The following ITFG1 variants were observed in gnomAD, a reference collection of about 807,000 sequenced individuals.
ITFG1 encodes the protein integrin alpha FG-GAP repeat containing 1.
ITFG1 carries 34 observed loss-of-function variants against 81.8 expected under a neutral mutation model. The ratio of observed to expected loss-of-function variants is 0.42; its 90% CI spans 0.32 to 0.55. The LOEUF is 0.55. ITFG1 is among the 20% of genes least tolerant of loss of function. The pLI is 0.17. For synonymous variants in ITFG1, 285 were observed against 270.6 expected (o/e 1.05, Z -0.52); for missense variants, 672 against 755.4 (o/e 0.89, Z 1.29).
intron 14 of ITFG1, among the ~76,000 whole-genome samples, chr16:47,204,491 G>A (rs1416309472): frequency 6.6e-6 from 1 of 152,120 alleles, no homozygotes; most frequent in South Asian, 2.1e-4. Context: ...TAATAGAAAT[G>A]CTTTCGTATT....
At chr16:47,322,978 T>C (rs1292037469) in intron 8 of ITFG1, among the ~76,000 whole-genome samples, 1 of 146,746 alleles carries the variant, frequency 6.8e-6, no homozygotes, top group Non-Finnish European at 1.5e-5. Context: ...CTGATTGATA[T>C]AAATATTTTT....
chr16:47,270,129 A>AG, intron 10 of ITFG1, among the ~76,000 whole-genome samples: 1 of 152,326 alleles, frequency 6.6e-6, no homozygotes, highest in South Asian at 2.1e-4. Flanking sequence ...TTCAATTTCT[A>AG]GGGCAAAACA....
Position 47,311,417 on chromosome 16 carries a change from G to T in ITFG1, c.898-5C>A. The T allele has an allele frequency of 6.3e-7, 1 of 1,585,670 alleles. No individual in the cohort carries two copies. Among genetic ancestry groups the T allele is most frequent in the Non-Finnish European group, 8.6e-7 (1 of 1,168,018 alleles). ...ATCTTGTAGGACTGGAACCCACTAT[G>T]GATTAAGAGAAAAAGATCAGACTTT... is the stretch of plus-strand genomic sequence containing the variant. On this transcript the variant is annotated splice_region_variant and splice_polypyrimidine_tract_variant and intron_variant, in intron 9 of 17. Transcript: ENST00000320640.
At chr16:47,166,695 A>G (rs1159992757) in intron 14 of ITFG1, among the ~76,000 whole-genome samples, 1 of 152,262 alleles carries the variant, frequency 6.6e-6, no homozygotes, top group Admixed American at 6.5e-5. Flanking sequence ...TTATTTAAAA[A>G]TTAATTCCAT....
chr16:47,379,170 C>G (rs1463369732), intron 6 of ITFG1, among the ~76,000 whole-genome samples: 2 of 152,148 alleles, frequency 1.3e-5, no homozygotes, highest in African/African-American at 2.4e-5. Flanking sequence ...CAACTCAGGA[C>G]AACTCTACAG....
intron 12 of ITFG1, among the ~76,000 whole-genome samples, chr16:47,244,618 TGTGTGTGTG>T (rs1339922308): frequency 6.7e-6 from 1 of 149,140 alleles, no homozygotes; most frequent in Non-Finnish European, 1.5e-5. Context: ...TGTGTGTGTG[TGTGTGTGTG>T]TGTGTGTGTG....
At chr16:47,448,607 T>G (rs1451500334) in intron 5 of ITFG1, 1 of 148,896 alleles carries the variant, frequency 6.7e-6, no homozygotes, top group East Asian at 1.9e-4. Context: ...TCAGAAAATT[T>G]TTTTTTTTTT....
At chr16:47,213,588 C>T (rs980003947) in intron 14 of ITFG1, among the ~76,000 whole-genome samples, 1 of 152,070 alleles carries the variant, frequency 6.6e-6, no homozygotes, top group Non-Finnish European at 1.5e-5. Context: ...TTTTTTGATG[C>T]AATTAGAATT....
At chr16:47,388,357 T>C (rs1968488589) in intron 6 of ITFG1, among the ~76,000 whole-genome samples, 1 of 152,066 alleles carries the variant, frequency 6.6e-6, no homozygotes, top group African/African-American at 2.4e-5. Context: ...TCAATAAATG[T>C]GATGCAGAAT....
rs1968315784 is a variant in ITFG1, at chr16:47,375,758, A to G, written c.720+118T>C. On this transcript the variant is annotated intron_variant, in intron 7 of 17. Transcript: ENST00000320640. The stretch of plus-strand genomic sequence containing the variant: ...TGCAGCAATGCAACCAAAGGCTCTT[A>G]AAGTTTTCTATTTATTGTTGAAATC... 5.5e-6 allele frequency: 4 copies of G among 724,322 alleles called. No homozygotes were observed. In the Admixed American group the frequency reaches 8.9e-5, roughly 16 times the overall value. The allele number at this position is 724,322 out of a possible 1,614,324, so 44.9% of individuals were successfully genotyped here.
chr16:47,437,037 T>C (rs1969175997), intron 5 of ITFG1, among the ~76,000 whole-genome samples: 1 of 152,200 alleles, frequency 6.6e-6, no homozygotes, highest in African/African-American at 2.4e-5. Context: ...GCCAATAATA[T>C]ACGGTTTAAT....
chr16:47,172,242 T>C (rs1964971535), intron 14 of ITFG1, among the ~76,000 whole-genome samples: 1 of 152,170 alleles, frequency 6.6e-6, no homozygotes, highest in Non-Finnish European at 1.5e-5. Flanking sequence ...CCCAGCATTT[T>C]GGGAGGCTGA....
chr16:47,243,199 C>T (rs1965957607), intron 12 of ITFG1, among the ~76,000 whole-genome samples: 1 of 151,960 alleles, frequency 6.6e-6, no homozygotes, highest in Admixed American at 6.6e-5. Flanking sequence ...TAAATTGCTT[C>T]TTTAACTACT....
At chr16:47,433,565 T>G (rs780690023) in intron 5 of ITFG1, among the ~76,000 whole-genome samples, 1 of 152,042 alleles carries the variant, frequency 6.6e-6, no homozygotes, top group Non-Finnish European at 1.5e-5. Flanking sequence ...AATCAACACT[T>G]AAGTTCTTCA....
chr16:47,174,205 A>G (rs1011074461), intron 14 of ITFG1, among the ~76,000 whole-genome samples: 1 of 152,306 alleles, frequency 6.6e-6, no homozygotes, highest in Non-Finnish European at 1.5e-5. Flanking sequence ...AGTATAGGAG[A>G]TATATTACAT....
chr16:47,383,205 G>A (rs1380257655), intron 6 of ITFG1, among the ~76,000 whole-genome samples: 1 of 152,158 alleles, frequency 6.6e-6, no homozygotes, highest in Non-Finnish European at 1.5e-5. Context: ...AGTCAACAGA[G>A]ATAATACTTA....
At chr16:47,353,200 A>G (rs1230888784) in intron 8 of ITFG1, among the ~76,000 whole-genome samples, 2 of 152,190 alleles carry the variant, frequency 1.3e-5, no homozygotes, top group Admixed American at 1.3e-4. Flanking sequence ...CCTAGAACTT[A>G]AAGTATAATT....
At chr16:47,207,224 A>G (rs751427427) in intron 14 of ITFG1, among the ~76,000 whole-genome samples, 3 of 152,126 alleles carry the variant, frequency 2.0e-5, no homozygotes, top group Non-Finnish European at 4.4e-5. Context: ...CTGGGGCTAC[A>G]GGCGCCTGCC....
chr16:47,298,078 C>A (rs1001279325), intron 10 of ITFG1, among the ~76,000 whole-genome samples: 5 of 152,078 alleles, frequency 3.3e-5, no homozygotes, highest in African/African-American at 1.2e-4. Flanking sequence ...GTGAGATTCT[C>A]TGCTTTGCTT....
Sources: allele counts gnomAD v4.1 joint callset (sites outside exome capture counted in the v4.1 genomes callset), GRCh38; gene constraint gnomAD v4.1.1; transcripts MANE v1.5; gene names NCBI Gene and HGNC (gene_info 2026-07-23, HGNC 2026-07-21).